Variants in KRABD3 observed in about 807,000 individuals in gnomAD.
KRABD3 encodes the protein KRAB domain containing 3, also known as KRAB domain-containing protein 3.
chr7:149,730,329 C>A, the KRABD3 span: 2 of 1,542,644 alleles, frequency 1.3e-6, no homozygotes, highest in Non-Finnish European at 1.8e-6. Context: ...TCTCTGGAAG[C>A]CGCTCCCCCA....
chr7:149,730,751 G>A, the KRABD3 span: 2 of 767,538 alleles, frequency 2.6e-6, no homozygotes, highest in Non-Finnish European at 4.1e-6. Context: ...GGCTGCTGGG[G>A]GTGCTGGTGA....
chr7:149,720,232 C>T, the KRABD3 span: 1 of 1,283,970 alleles, frequency 7.8e-7, no homozygotes, highest in African/African-American at 1.5e-5. Flanking sequence ...ACCTCCCTGC[C>T]TCCCCTACTG....
At chr7:149,730,514 C>T in the KRABD3 span, 1 of 1,611,334 alleles carries the variant, frequency 6.2e-7, no homozygotes, top group South Asian at 1.1e-5. Context: ...TGGCGGCAGC[C>T]CTGGTGAAGA....
the KRABD3 span, among the ~76,000 whole-genome samples, chr7:149,716,739 AGTATGT>A: frequency 6.6e-6 from 1 of 152,188 alleles, no homozygotes; most frequent in Admixed American, 6.5e-5. Flanking sequence ...GGTCAGGAGC[AGTATGT>A]GGAAGAGCTC....
the KRABD3 span, chr7:149,724,589 C>T: frequency 7.8e-7 from 1 of 1,283,226 alleles, no homozygotes; most frequent in Non-Finnish European, 1.0e-6. Flanking sequence ...ATAAAGGCCT[C>T]AAGGGATTCT....
At chr7:149,733,040 A>G in the KRABD3 span, among the ~76,000 whole-genome samples, 1 of 152,198 alleles carries the variant, frequency 6.6e-6, no homozygotes, top group Non-Finnish European at 1.5e-5. Context: ...TTTTCATGCC[A>G]TAAGCATTGG....
At chr7:149,733,277 C>T in the KRABD3 span, 1 of 1,612,464 alleles carries the variant, frequency 6.2e-7, no homozygotes, top group Non-Finnish European at 8.5e-7. Flanking sequence ...TCCGGAGCTG[C>T]CCCCTCCGGA....
chr7:149,715,074 AGGCG>A, the KRABD3 span: 1 of 1,230,550 alleles, frequency 8.1e-7, no homozygotes, highest in Non-Finnish European at 1.0e-6. Context: ...CAGGTAAGGC[AGGCG>A]GACGCGCGGA....
chr7:149,729,043 G>C, the KRABD3 span: 1 of 663,486 alleles, frequency 1.5e-6, no homozygotes, highest in Non-Finnish European at 2.4e-6. Context: ...GGCGCTCCCT[G>C]GAACATGACA....
the KRABD3 span, among the ~76,000 whole-genome samples, chr7:149,718,580 G>A: frequency 1.0e-4 from 15 of 145,396 alleles, no homozygotes; most frequent in East Asian, 8.1e-4. Flanking sequence ...GTGCAATGGC[G>A]TGATCTCGGC....
chr7:149,728,717 T>C, the KRABD3 span: 20 of 1,599,056 alleles, frequency 1.3e-5, no homozygotes, highest in Admixed American at 2.4e-4. Context: ...ACAGGGCTGC[T>C]CTGAGGATGC....
the KRABD3 span, among the ~76,000 whole-genome samples, chr7:149,724,468 TAGG>T: frequency 6.6e-6 from 1 of 152,098 alleles, no homozygotes; most frequent in African/African-American, 2.4e-5. Context: ...GGGGCCATGG[TAGG>T]GGAGGAGGCG....
the KRABD3 span, among the ~76,000 whole-genome samples, chr7:149,732,302 T>TG: frequency 6.6e-6 from 1 of 152,214 alleles, no homozygotes; most frequent in Non-Finnish European, 1.5e-5. The surrounding 1 kb of genome is among the most constrained non-coding windows in gnomAD (Gnocchi z 4.0). Context: ...GAGCCTTGCC[T>TG]GTCCTCTGTA....
chr7:149,729,286 T>G, the KRABD3 span: 1 of 1,602,168 alleles, frequency 6.2e-7, no homozygotes. Flanking sequence ...GGTGTTCACC[T>G]CCAGCTGCGT....
chr7:149,729,089 G>C, the KRABD3 span: 3 of 975,182 alleles, frequency 3.1e-6, no homozygotes. Context: ...TGGTGTGCCT[G>C]AGAGCCCAGC....
chr7:149,733,689 G>A, the KRABD3 span: 42 of 1,583,756 alleles, frequency 2.7e-5, no homozygotes, highest in Non-Finnish European at 3.2e-5. Context: ...CGCCGGGCAC[G>A]TCCGCTGCCT....
At chr7:149,721,550 GCAGGGA>G in the KRABD3 span, 3 of 1,609,236 alleles carry the variant, frequency 1.9e-6, no homozygotes, top group Non-Finnish European at 2.5e-6. Context: ...GTCTGACACA[GCAGGGA>G]CAGGGAGAAC....
At chr7:149,733,483 A>C in the KRABD3 span, 4 of 1,581,318 alleles carry the variant, frequency 2.5e-6, no homozygotes, top group African/African-American at 1.3e-5. Context: ...GGCGCCCCCA[A>C]GGCCCTGGGC....
chr7:149,723,057 C>T, the KRABD3 span: 1 of 1,027,326 alleles, frequency 9.7e-7, no homozygotes, highest in South Asian at 1.9e-5. Context: ...TCGTTACCAG[C>T]TTGGTCGCTG....
Sources: gnomAD v4.1 joint callset for allele counts (sites outside exome capture counted in the v4.1 genomes callset) on GRCh38, gnomAD v4.1.1 for gene constraint, Gnocchi (gnomAD v3.1) non-coding constraint, MANE v1.5 for transcripts, NCBI Gene and HGNC (gene_info 2026-07-23, HGNC 2026-07-21) for gene names.